DNAAF8: variants seen among roughly 807,000 people sequenced by gnomAD.
The protein encoded by DNAAF8 is dynein axonemal-associated protein 1.
DNAAF8 carries 61 observed loss-of-function variants against 54.6 expected under a neutral mutation model. The ratio of observed to expected loss-of-function variants is 1.12; its 90% CI spans 0.91 to 1.38. The LOEUF (loss-of-function observed/expected upper bound fraction) is 1.38, where lower values mean the gene tolerates loss of function less well. Among genes scored for constraint, DNAAF8 ranks in the 40% most tolerant of loss-of-function variants. The pLI is 0.00. For synonymous variants in DNAAF8, 320 were observed against 270.1 expected, an observed-to-expected ratio of 1.18 and a Z score of -1.81; for missense variants, 837 against 665.0, an observed-to-expected ratio of 1.26 and a Z score of -2.85.
At chr16:4,748,309 C>T (rs1345519879) in intron 9 of DNAAF8, 1 of 150,672 alleles carries the variant, frequency 6.6e-6, no homozygotes, top group African/African-American at 2.4e-5. Flanking sequence ...CCTAGGCCTT[C>T]CACAGTGCTG....
At chr16:4,734,994 C>G (rs1299632717) in intron 1 of DNAAF8, 1 of 152,226 alleles carries the variant, frequency 6.6e-6, no homozygotes, top group South Asian at 2.1e-4. Context: ...AGAGGCGGCT[C>G]CGAGCCTCCC....
intron 6 of DNAAF8, among the ~76,000 whole-genome samples, chr16:4,745,640 A>G (rs947731646): frequency 1.2e-4 from 19 of 152,284 alleles, no homozygotes; most frequent in Admixed American, 5.9e-4. Flanking sequence ...TCTGGAAACC[A>G]AAAGTACCTA....
chr16:4,746,643 A>C, intron 7 of DNAAF8, 131 bp downstream of exon 7: 1 of 1,270,092 alleles, frequency 7.9e-7, no homozygotes. Flanking sequence ...TTCTCAATTG[A>C]AAAGTGCTGG....
intron 4 of DNAAF8, 111 bp from the exon 5 acceptor site, chr16:4,742,932 T>C: frequency 2.3e-6 from 2 of 885,824 alleles, no homozygotes; most frequent in South Asian, 2.9e-5. Flanking sequence ...TCCTGATTTC[T>C]ACCCCCAACA....
At chr16:4,736,345 A>G (rs1297636045) in intron 1 of DNAAF8, 119 bp from the exon 2 acceptor site, 2 of 641,450 alleles carry the variant, frequency 3.1e-6, no homozygotes, top group Non-Finnish European at 4.6e-6. Context: ...CTAGAAGGAA[A>G]CTGAGGCAGG....
chr16:4,746,831 T>TG, intron 7 of DNAAF8, 96 bp from the exon 8 acceptor site: 1 of 1,174,336 alleles, frequency 8.5e-7, no homozygotes, highest in Non-Finnish European at 1.2e-6. Flanking sequence ...CCTCTTGCAT[T>TG]GGGTCACCAG....
intron 1 of DNAAF8, chr16:4,735,418 T>A (rs1346448291): frequency 2.6e-5 from 4 of 151,922 alleles, no homozygotes; most frequent in Non-Finnish European, 4.4e-5. Flanking sequence ...AGCCCCCAAT[T>A]CACATCTCCT....
At position 4,747,330 on chromosome 16, in the gene DNAAF8, C is replaced by A; in HGVS notation, c.1281-13C>A. The A allele has an allele frequency of 6.5e-7, 1 of 1,546,534 alleles. No homozygotes were observed. The highest frequency in any genetic ancestry group is 1.2e-5 in the South Asian group (1 of 81,474). ...CCACGGGGTTGAGTGAATTTGGTCT[C>A]ATTGTGTCACAGGACCTGTACCGGG... On this transcript the variant is annotated splice_polypyrimidine_tract_variant and intron_variant, in intron 8 of 9. Transcript: ENST00000299320.
chr16:4,746,829 A>G (rs2082023249), intron 7 of DNAAF8, 98 bp from the exon 8 acceptor site: 2 of 1,173,558 alleles, frequency 1.7e-6, no homozygotes, highest in Non-Finnish European at 2.3e-6. Flanking sequence ...GACCTCTTGC[A>G]TTGGGTCACC....
intron 6 of DNAAF8, among the ~76,000 whole-genome samples, chr16:4,745,852 C>G (rs767068394): frequency 6.6e-6 from 1 of 151,016 alleles, no homozygotes; most frequent in Non-Finnish European, 1.5e-5. Flanking sequence ...ACTTGGGAGG[C>G]TGAGGCAGGA....
At chr16:4,735,342 C>G (rs868251699) in intron 1 of DNAAF8, 1 of 152,260 alleles carries the variant, frequency 6.6e-6, no homozygotes. Context: ...CGTCCCCAAC[C>G]CGCTGCTCCC....
In DNAAF8 at chr16:4,744,952, T is replaced by G; in HGVS notation, c.984T>G (p.Cys328Trp). Residue 328 changes from cysteine to tryptophan, a missense_variant, in exon 6 of 10, where the codon TGT (cysteine) becomes TGG (tryptophan). Cys to Trp is a radical substitution (Grantham distance 215, BLOSUM62 -2). Transcript: ENST00000299320. ...CCACGCAGTCCAAGGCCTCTGCTTG[T>G]GCCCGGAAGGTGCCTGCCGACACTC... ...LCTTQSKASA[C>W]ARKVPADTPQ... 1 of 1,613,902 alleles carries G rather than the reference T, an allele frequency of 6.2e-7. No homozygotes were observed. The highest frequency in any genetic ancestry group is 8.5e-7 in the Non-Finnish European group (1 of 1,179,988).
chr16:4,745,460 G>GAGAA (rs1475163173), intron 6 of DNAAF8, among the ~76,000 whole-genome samples: 1 of 152,206 alleles, frequency 6.6e-6, no homozygotes, highest in African/African-American at 2.4e-5. Flanking sequence ...CTGCCACAGG[G>GAGAA]AGAAAGGCAA....
At chr16:4,747,112 G>T in intron 8 of DNAAF8, 87 bp downstream of exon 8, 2 of 1,344,764 alleles carry the variant, frequency 1.5e-6, no homozygotes, top group Admixed American at 2.9e-5. Context: ...TTTACCGCCT[G>T]TGGTGAGGTC....
intron 3 of DNAAF8, among the ~76,000 whole-genome samples, chr16:4,739,156 A>T (rs2081929277): frequency 6.6e-6 from 1 of 151,922 alleles, no homozygotes; most frequent in Non-Finnish European, 1.5e-5. Flanking sequence ...TCCCCAGGGC[A>T]GCTAAGAACT....
chr16:4,737,663 C>T, intron 2 of DNAAF8, 137 bp from the exon 3 acceptor site: 3 of 1,108,326 alleles, frequency 2.7e-6, no homozygotes, highest in Non-Finnish European at 3.9e-6. Flanking sequence ...GGCTCCTGAG[C>T]AGCAGGGCTG....
intron 3 of DNAAF8, 50 bp downstream of exon 3, chr16:4,737,996 T>C (rs1403840951): frequency 6.3e-7 from 1 of 1,581,414 alleles, no homozygotes; most frequent in South Asian, 1.1e-5. Context: ...GATGTTAGTC[T>C]AAACTGACTG....
At chr16:4,747,216 C>A in intron 8 of DNAAF8, 127 bp from the exon 9 acceptor site, 3 of 1,296,656 alleles carry the variant, frequency 2.3e-6, no homozygotes, top group South Asian at 1.4e-5. Flanking sequence ...CAGTGATGGG[C>A]TGCCTGAATT....
rs200746057 is a variant in DNAAF8, at chr16:4,740,673, C to A, written c.783+14C>A. 1.3e-6 allele frequency: 2 copies of A among 1,565,420 alleles called. No individual in the cohort carries two copies. Among genetic ancestry groups the A allele is most frequent in the Non-Finnish European group, 1.7e-6 (2 of 1,161,264 alleles). The stretch of plus-strand genomic sequence containing the variant: ...CTCTCGCTCCAGGTAGGCGCCTCCC[C>A]GTGCCTGGCTGTTTCTCAGGCCTGT... On this transcript the variant is annotated intron_variant, in intron 4 of 9. Coordinates refer to ENST00000299320, the MANE Select transcript of DNAAF8 (RefSeq NM_139170.3).
Sources: allele counts gnomAD v4.1 joint callset (sites outside exome capture counted in the v4.1 genomes callset), GRCh38; gene constraint gnomAD v4.1.1; transcripts MANE v1.5; gene names NCBI Gene and HGNC (gene_info 2026-07-23, HGNC 2026-07-21).